Variants in UBR3 observed in about 807,000 individuals in gnomAD.
UBR3 encodes E3 ubiquitin-protein ligase UBR3.
Under a neutral mutation model 243.2 loss-of-function variants are expected in UBR3, and 85 were observed. The ratio of observed to expected loss-of-function variants is 0.35; its 90% CI spans 0.29 to 0.42. UBR3 has a LOEUF of 0.42. Ranked by LOEUF, UBR3 falls within the 10% of genes least tolerant of loss-of-function variation. The pLI is 1.00. For missense variants in UBR3, 1,686 were observed against 2,300.8 expected (o/e 0.73, Z 5.47); for synonymous variants, 748 against 799.8 (o/e 0.94, Z 1.09).
At position 170,080,384 on chromosome 2, in the gene UBR3, T is replaced by A. The variant is rs2091887166; in HGVS notation, c.5410-161T>A. 4.9e-6 allele frequency: 4 copies of A among 820,094 alleles called. No homozygotes were observed. In the South Asian group the frequency reaches 8.9e-5, roughly 18 times the overall value. The allele number at this position is 820,094 out of a possible 1,614,324, so 50.8% of individuals were successfully genotyped here. ...TTCCTTACCCAAATACCTCCTAATGTATTAATAATAAAGTGTTAGGAATGG... is the reference window on the plus strand; with the variant it reads ...TTCCTTACCCAAATACCTCCTAATGAATTAATAATAAAGTGTTAGGAATGG... On this transcript the variant is annotated intron_variant, in intron 37 of 38. Transcript: ENST00000272793.
chr2:169,990,722 CA>C (rs2089235246), intron 25 of UBR3, among the ~76,000 whole-genome samples: 1 of 128,944 alleles, frequency 7.8e-6, no homozygotes, highest in South Asian at 2.4e-4. Flanking sequence ...GTTATACACA[CA>C]CACACACACA....
chr2:170,007,678 A>G (rs1205731033), intron 28 of UBR3, among the ~76,000 whole-genome samples: 1 of 152,162 alleles, frequency 6.6e-6, no homozygotes, highest in African/African-American at 2.4e-5. Context: ...AGCCTGACCA[A>G]CATGGCAAAA....
rs189070483 is a variant in UBR3 at position 170,041,041 on chromosome 2, A to G, written c.4660+56A>G. ...ATATACTATGTATTTTGAATATTCTAGAGATTATAGAGACAAATAGGCTGG... is the reference window on the plus strand; with the variant it reads ...ATATACTATGTATTTTGAATATTCTGGAGATTATAGAGACAAATAGGCTGG... On this transcript the variant is annotated intron_variant, in intron 32 of 38. Transcript: ENST00000272793. 6.7e-6 allele frequency: 10 copies of G among 1,489,630 alleles called. No individual in the cohort carries two copies. The Admixed American group carries it at 1.8e-4, about 26-fold the overall frequency. The allele number at this position is 1,489,630 out of a possible 1,614,324, so 92.3% of individuals were successfully genotyped here.
rs564889383 is a variant in UBR3 at position 169,949,542 on chromosome 2, G to T, written c.3085-63G>T. 2.4e-5 allele frequency: 33 copies of T among 1,375,350 alleles called. No homozygotes were observed. In the South Asian group the frequency reaches 4.8e-4, roughly 20 times the overall value. The allele number at this position is 1,375,350 out of a possible 1,614,324, so 85.2% of individuals were successfully genotyped here. On this transcript the variant is annotated intron_variant, in intron 22 of 38. Transcript: ENST00000272793. ...CCTTTAGAAAATATAGTACTAATATGTTTTTAAAATGATGCTAAATAACTT... is the reference window on the plus strand; with the variant it reads ...CCTTTAGAAAATATAGTACTAATATTTTTTTAAAATGATGCTAAATAACTT...
At chr2:169,974,130 T>C (rs1574319150) in intron 24 of UBR3, among the ~76,000 whole-genome samples, 1 of 152,180 alleles carries the variant, frequency 6.6e-6, no homozygotes, top group East Asian at 1.9e-4. Flanking sequence ...TATTGGCTTA[T>C]AGTTTTTTTG....
intron 30 of UBR3, among the ~76,000 whole-genome samples, chr2:170,024,333 G>A (rs558370757): frequency 3.3e-5 from 4 of 120,778 alleles, no homozygotes; most frequent in South Asian, 5.3e-4. Context: ...CATCTTGGGC[G>A]ACAGTGCGAG....
intron 24 of UBR3, among the ~76,000 whole-genome samples, chr2:169,986,184 A>C (rs1408939879): frequency 6.6e-6 from 1 of 152,208 alleles, no homozygotes; most frequent in Non-Finnish European, 1.5e-5. Flanking sequence ...TAGAATTGAG[A>C]GTGAGAAAGA....
At chr2:169,927,018 C>T (rs544914411) in intron 16 of UBR3, 47 bp downstream of exon 16, 1 of 1,526,250 alleles carries the variant, frequency 6.6e-7, no homozygotes, top group South Asian at 1.2e-5. Flanking sequence ...GTTTTCCTCC[C>T]TTTCTCCCCC....
intron 24 of UBR3, among the ~76,000 whole-genome samples, chr2:169,960,398 T>G (rs2087516700): frequency 6.6e-6 from 1 of 151,608 alleles, no homozygotes; most frequent in African/African-American, 2.4e-5. Context: ...AACTGAAATC[T>G]GAAACACTAA....
chr2:169,989,593 A>C (rs1270787913), intron 25 of UBR3, among the ~76,000 whole-genome samples: 1 of 152,190 alleles, frequency 6.6e-6, no homozygotes. Flanking sequence ...ATTAGCTGAC[A>C]TATACTTCTA....
intron 29 of UBR3, 131 bp downstream of exon 29, chr2:170,009,071 A>G: frequency 1.8e-6 from 1 of 548,524 alleles, no homozygotes. Flanking sequence ...GGCTAGTTTT[A>G]GTGCCTGCTA....
intron 36 of UBR3, 31 bp downstream of exon 36, chr2:170,073,638 C>A (rs771734739): frequency 6.3e-7 from 1 of 1,595,602 alleles, no homozygotes; most frequent in South Asian, 1.1e-5. Flanking sequence ...TAGCTTGTCA[C>A]GGTGGTGATA....
At chr2:169,890,332 A>G (rs1037574008) in intron 5 of UBR3, among the ~76,000 whole-genome samples, 10 of 151,684 alleles carry the variant, frequency 6.6e-5, no homozygotes, top group African/African-American at 9.7e-5. Context: ...ACTCTGTTGT[A>G]CAGTGTTAAC....
intron 14 of UBR3, 92 bp downstream of exon 14, chr2:169,925,839 G>A: frequency 8.4e-7 from 1 of 1,196,776 alleles, no homozygotes; most frequent in Non-Finnish European, 1.1e-6. Context: ...GTGATGACAT[G>A]GAGAGGCCAA....
intron 1 of UBR3, among the ~76,000 whole-genome samples, chr2:169,847,968 A>C: frequency 6.6e-6 from 1 of 152,040 alleles, no homozygotes; most frequent in African/African-American, 2.4e-5. Flanking sequence ...ACTTTTTAGT[A>C]CTCTGTCCTA....
intron 1 of UBR3, among the ~76,000 whole-genome samples, chr2:169,846,739 A>C (rs2105289553): frequency 6.6e-6 from 1 of 152,146 alleles, no homozygotes; most frequent in Admixed American, 6.5e-5. Context: ...CTTCTTTTAA[A>C]GTATTTTTTT....
intron 24 of UBR3, among the ~76,000 whole-genome samples, chr2:169,980,899 A>G (rs2088697714): frequency 6.7e-6 from 1 of 149,294 alleles, no homozygotes; most frequent in Non-Finnish European, 1.5e-5. Context: ...GATCTGGTGT[A>G]TCTCATAGGG....
At chr2:169,922,632 C>G (rs2085750274) in intron 11 of UBR3, among the ~76,000 whole-genome samples, 1 of 152,138 alleles carries the variant, frequency 6.6e-6, no homozygotes, top group African/African-American at 2.4e-5. Flanking sequence ...CTGGCAACCA[C>G]CATTCTACTT....
Position 169,827,889 on chromosome 2 carries a change from T to G in UBR3, c.382T>G (p.Phe128Val). The change falls in exon 1 of 39, where the codon TTC becomes GTC. Residue 128 changes from phenylalanine to valine, a missense_variant. Physicochemically the swap from Phe to Val is conservative, Grantham distance 50. Transcript: ENST00000272793. ...CTGCGGCCTGGTCTGGACAGCCAAC[T>G]TCGTGGCCTACCGCTGCCGGACGTG... The part of the protein sequence containing the change: ...ALCGLVWTAN[F>V]VAYRCRTCGI... 1 of 1,519,638 alleles carries G rather than the reference T, an allele frequency of 6.6e-7. No individual in the cohort carries two copies. The highest frequency in any genetic ancestry group is 8.8e-7 in the Non-Finnish European group (1 of 1,137,138). The allele number at this position is 1,519,638 out of a possible 1,614,324, so 94.1% of individuals were successfully genotyped here.
Sources: gnomAD v4.1 joint callset for allele counts (sites outside exome capture counted in the v4.1 genomes callset) on GRCh38, gnomAD v4.1.1 for gene constraint, MANE v1.5 for transcripts, NCBI Gene and HGNC (gene_info 2026-07-23, HGNC 2026-07-21) for gene names.